Variants in ZNF385D observed in about 807,000 individuals in gnomAD.
ZNF385D encodes zinc finger protein 659.
Under a neutral mutation model 35.8 loss-of-function variants are expected in ZNF385D, and 15 were observed. The observed-to-expected ratio is 0.42, with a 90% confidence interval of 0.28 to 0.64. ZNF385D has a LOEUF of 0.64. Ranked by LOEUF, ZNF385D falls within the 30% of genes least tolerant of loss-of-function variation. The probability of loss-of-function intolerance (pLI) is 0.23; values close to 1 mark genes in which losing one functional copy is unlikely to be tolerated. For missense variants in ZNF385D, 474 were observed against 494.6 expected, an observed-to-expected ratio of 0.96 and a Z score of 0.39; for synonymous variants, 212 against 186.8, an observed-to-expected ratio of 1.13 and a Z score of -1.10.
chr3:22,223,950 T>A (rs1242419898), intron 2 of ZNF385D, among the ~76,000 whole-genome samples: 1 of 152,156 alleles, frequency 6.6e-6, no homozygotes, highest in Non-Finnish European at 1.5e-5. Flanking sequence ...TTATTCACCA[T>A]CATACATGGC....
chr3:22,143,024 A>G (rs556578512), intron 3 of ZNF385D, among the ~76,000 whole-genome samples: 167 of 151,904 alleles, frequency 1.1e-3, no homozygotes, highest in African/African-American at 3.8e-3. Context: ...TAATAAAAAA[A>G]AAAGAGATTC....
intron 3 of ZNF385D, among the ~76,000 whole-genome samples, chr3:22,097,760 T>C (rs1278882005): frequency 6.6e-6 from 1 of 151,950 alleles, no homozygotes; most frequent in Non-Finnish European, 1.5e-5. Flanking sequence ...ACAGAAAGTG[T>C]CCCCTGTGAC....
intron 4 of ZNF385D, among the ~76,000 whole-genome samples, chr3:21,462,216 T>C (rs921769825): frequency 6.6e-6 from 1 of 152,158 alleles, no homozygotes; most frequent in Non-Finnish European, 1.5e-5. Context: ...TTCTATTTTT[T>C]TTCCCTAGAG....
chr3:22,146,880 A>C (rs1329401383), intron 3 of ZNF385D, among the ~76,000 whole-genome samples: 1 of 152,176 alleles, frequency 6.6e-6, no homozygotes, highest in African/African-American at 2.4e-5. Context: ...TAAGTTCTGA[A>C]ACATATTTGG....
intron 2 of ZNF385D, among the ~76,000 whole-genome samples, chr3:22,279,370 A>T (rs1045628280): frequency 1.3e-5 from 2 of 151,212 alleles, no homozygotes; most frequent in African/African-American, 2.4e-5. Flanking sequence ...TTGGTCTTCC[A>T]CTCCTGAATT....
chr3:22,343,100 A>T (rs78735211), intron 2 of ZNF385D, among the ~76,000 whole-genome samples: 7,796 of 152,280 alleles, frequency 0.051, 636 homozygotes, highest in African/African-American at 0.18. Context: ...TATTTGGTTA[A>T]AGTATTTACA....
At position 21,863,269 on chromosome 3, in the gene ZNF385D, G is replaced by A. The variant is rs148444796; in HGVS notation, c.326-198241C>T. Among the ~76,000 whole-genome samples, 619 of 152,056 alleles carry A rather than the reference G, an allele frequency of 4.1e-3. 5 individuals carry two copies. Among genetic ancestry groups the A allele is most frequent in the African/African-American group, 0.014 (563 of 41,506 alleles). On this transcript the variant is annotated intron_variant, in intron 3 of 5. Coordinates refer to the ZNF385D transcript ENST00000494108. Reference sequence around the variant, plus strand: ...CTTGATTTCATCATTTGTCTCATTCGTTTAAATTTTATCAAATTAGATATC... The same window carrying A: ...CTTGATTTCATCATTTGTCTCATTCATTTAAATTTTATCAAATTAGATATC...
At chr3:21,998,579 C>T (rs1695632908) in intron 3 of ZNF385D, among the ~76,000 whole-genome samples, 3 of 152,144 alleles carry the variant, frequency 2.0e-5, no homozygotes, top group African/African-American at 7.2e-5. Flanking sequence ...ATTGTTTATA[C>T]TTATCAGCAC....
intron 2 of ZNF385D, among the ~76,000 whole-genome samples, chr3:21,615,171 G>C (rs1162456336): frequency 2.6e-5 from 4 of 152,158 alleles, no homozygotes; most frequent in South Asian, 4.1e-4. Flanking sequence ...GAATGACATG[G>C]TGCCCTCACC....
chr3:22,314,439 G>A (rs533784878), intron 2 of ZNF385D, among the ~76,000 whole-genome samples: 2 of 152,256 alleles, frequency 1.3e-5, no homozygotes, highest in South Asian at 2.1e-4. Context: ...AGATTGCAGT[G>A]AATGCCATTA....
chr3:22,189,748 C>A (rs568001146), intron 2 of ZNF385D, among the ~76,000 whole-genome samples: 4 of 152,092 alleles, frequency 2.6e-5, no homozygotes, highest in African/African-American at 9.7e-5. Flanking sequence ...TAACAATAAG[C>A]CAAATTTAAA....
intron 3 of ZNF385D, among the ~76,000 whole-genome samples, chr3:22,049,605 G>GCTTT (rs1699220345): frequency 6.6e-6 from 1 of 152,078 alleles, no homozygotes. Context: ...TAATCTTAGA[G>GCTTT]GAAAAGCTTT....
chr3:21,651,371 G>T (rs553425149), intron 2 of ZNF385D, among the ~76,000 whole-genome samples: 42 of 149,052 alleles, frequency 2.8e-4, no homozygotes, highest in Non-Finnish European at 5.2e-4. Flanking sequence ...TTTATGTTCT[G>T]ACTCAGGTTA....
chr3:21,607,445 C>G (rs2064515781), intron 2 of ZNF385D, among the ~76,000 whole-genome samples: 1 of 152,160 alleles, frequency 6.6e-6, no homozygotes. Context: ...CTATATATAA[C>G]AAGTGTATAC....
intron 4 of ZNF385D, among the ~76,000 whole-genome samples, chr3:21,492,776 A>AAATAAAT (rs1705530694): frequency 7.1e-6 from 1 of 140,986 alleles, no homozygotes; most frequent in Non-Finnish European, 1.5e-5. Context: ...CTCTGTTTCA[A>AAATAAAT]AAATAAATAA....
chr3:22,010,507 T>C (rs1291033904), intron 3 of ZNF385D, among the ~76,000 whole-genome samples: 1 of 152,208 alleles, frequency 6.6e-6, no homozygotes, highest in Non-Finnish European at 1.5e-5. Flanking sequence ...GTTTCCTCTA[T>C]CTAGGCTCAG....
At chr3:22,324,943 C>G (rs1694608074) in intron 2 of ZNF385D, among the ~76,000 whole-genome samples, 1 of 152,132 alleles carries the variant, frequency 6.6e-6, no homozygotes, top group Admixed American at 6.5e-5. Flanking sequence ...ATCTGTATGA[C>G]CTTGAGCAAG....
chr3:21,738,889 C>T (rs1475263745), intron 1 of ZNF385D, among the ~76,000 whole-genome samples: 1 of 152,174 alleles, frequency 6.6e-6, no homozygotes, highest in Non-Finnish European at 1.5e-5. Flanking sequence ...CTTTGTTGTT[C>T]ATTTGTTTTC....
rs1279277561 is a variant in ZNF385D at position 21,969,852 on chromosome 3, A to C, written c.325+198965T>G. 2.6e-5 allele frequency among the ~76,000 whole-genome samples: 4 copies of C among 152,280 alleles called. No individual in the cohort carries two copies. In the South Asian group the frequency reaches 8.3e-4, roughly 32 times the overall value. ...ACCCTATCTCAGCTCCAGACAGCTCAGAAAGGGATAGAAACTCCATTTGTT... is the reference window on the plus strand; with the variant it reads ...ACCCTATCTCAGCTCCAGACAGCTCCGAAAGGGATAGAAACTCCATTTGTT... On this transcript the variant is annotated intron_variant, in intron 3 of 5. Coordinates refer to the ZNF385D transcript ENST00000494108.
Sources: allele counts gnomAD v4.1 joint callset (sites outside exome capture counted in the v4.1 genomes callset), GRCh38; gene constraint gnomAD v4.1.1; transcripts MANE v1.5; gene names NCBI Gene and HGNC (gene_info 2026-07-23, HGNC 2026-07-21).